Variants in STXBP4 observed in about 807,000 individuals in gnomAD.
STXBP4 encodes syntaxin binding protein 4.
Under a neutral mutation model 76.1 loss-of-function variants are expected in STXBP4, and 55 were observed. The observed-to-expected ratio is 0.72, with a 90% CI of 0.58 to 0.91. The LOEUF is 0.91. STXBP4 is among the 40% of genes least tolerant of loss of function. STXBP4 has a pLI of 0.00. For synonymous variants in STXBP4, 201 were observed against 220.2 expected (o/e 0.91, Z 0.77); for missense variants, 618 against 636.9 (o/e 0.97, Z 0.32).
At chr17:54,985,454 T>G (rs910459457) in intron 1 of STXBP4, among the ~76,000 whole-genome samples, 160 bp from the exon 2 acceptor site, 2 of 152,232 alleles carry the variant, frequency 1.3e-5, no homozygotes, top group Non-Finnish European at 2.9e-5. Context: ...TAGTGTCTTT[T>G]TCAACTTTAA....
At chr17:55,017,704 G>A (rs986698563) in intron 8 of STXBP4, among the ~76,000 whole-genome samples, 29 of 152,234 alleles carry the variant, frequency 1.9e-4, no homozygotes, top group African/African-American at 6.3e-4. Context: ...AGTTCGGGAC[G>A]ACAGCTTTCT....
chr17:55,188,414 C>T, the STXBP4 span, among the ~76,000 whole-genome samples: 2 of 152,176 alleles, frequency 1.3e-5, no homozygotes, highest in Admixed American at 1.3e-4. Flanking sequence ...AAGTCTAAAC[C>T]AGAGTCCCCA....
intron 1 of STXBP4, among the ~76,000 whole-genome samples, chr17:54,984,339 C>CTTTTTT (rs60222961): frequency 9.1e-4 from 74 of 81,184 alleles, no homozygotes; most frequent in South Asian, 1.9e-3. Context: ...TTTCTTTTTT[C>CTTTTTT]TTTTTTTTTT....
At chr17:55,001,662 A>C (rs2077918556) in intron 7 of STXBP4, among the ~76,000 whole-genome samples, 1 of 152,186 alleles carries the variant, frequency 6.6e-6, no homozygotes, top group South Asian at 2.1e-4. Context: ...GCATTAATTT[A>C]AATTAAATAG....
chr17:55,073,303 C>T (rs1316431513), intron 13 of STXBP4, among the ~76,000 whole-genome samples: 1 of 152,146 alleles, frequency 6.6e-6, no homozygotes, highest in Non-Finnish European at 1.5e-5. Flanking sequence ...TTATTTAGGT[C>T]ATTGGTCAAA....
chr17:55,046,356 T>C (rs537298328), intron 11 of STXBP4, among the ~76,000 whole-genome samples: 17 of 152,052 alleles, frequency 1.1e-4, no homozygotes, highest in African/African-American at 4.1e-4. Context: ...GGATATTGCC[T>C]TTTTTAAACA....
intron 11 of STXBP4, among the ~76,000 whole-genome samples, chr17:55,046,184 A>C (rs1362033271): frequency 6.6e-6 from 1 of 152,062 alleles, no homozygotes; most frequent in Non-Finnish European, 1.5e-5. Flanking sequence ...ATACAAAAAA[A>C]CTAGGGCACA....
intron 10 of STXBP4, among the ~76,000 whole-genome samples, chr17:55,041,273 C>T (rs1256880385): frequency 7.1e-6 from 1 of 141,114 alleles, no homozygotes; most frequent in African/African-American, 2.7e-5. Context: ...ACCCTGCCAT[C>T]AGGCTGGAGT....
downstream of STXBP4, among the ~76,000 whole-genome samples, chr17:55,178,040 T>C (rs1170362056): frequency 6.6e-6 from 1 of 152,144 alleles, no homozygotes; most frequent in African/African-American, 2.4e-5. Context: ...AGTAATCACA[T>C]TTTTCCCGAG....
At chr17:54,990,526 C>G (rs1047266155) in intron 3 of STXBP4, among the ~76,000 whole-genome samples, 1 of 152,042 alleles carries the variant, frequency 6.6e-6, no homozygotes. Flanking sequence ...CTCAGGGCTC[C>G]CCCTGATTCT....
chr17:54,970,969 C>A (rs2077391522), intron 1 of STXBP4, among the ~76,000 whole-genome samples: 1 of 107,228 alleles, frequency 9.3e-6, no homozygotes, highest in Non-Finnish European at 1.9e-5. Flanking sequence ...TGAAATACTT[C>A]TGAATGACAA....
chr17:55,213,256 T>C, the STXBP4 span, among the ~76,000 whole-genome samples: 1 of 152,154 alleles, frequency 6.6e-6, no homozygotes, highest in Non-Finnish European at 1.5e-5. Context: ...CTCATGCCTG[T>C]AATCCCAGCA....
chr17:55,159,913 G>C lies in STXBP4; in HGVS notation c.*2G>C. On this transcript the variant is annotated 3_prime_UTR_variant, in exon 18 of 18. Coordinates refer to ENST00000376352, the MANE Select transcript of STXBP4 (RefSeq NM_178509.6). ...GAACTCCCCAACCAGAAAAGTTGAT[G>C]GTTTTCCTTAGGAAGTGGAGCTACA... 6.3e-7 allele frequency: 1 copy of C among 1,596,512 alleles called. No homozygotes were observed. Among genetic ancestry groups the C allele is most frequent in the Non-Finnish European group, 8.6e-7 (1 of 1,164,444 alleles).
At chr17:55,151,434 A>C (rs2080216536) in intron 17 of STXBP4, among the ~76,000 whole-genome samples, 1 of 152,240 alleles carries the variant, frequency 6.6e-6, no homozygotes, top group African/African-American at 2.4e-5. Flanking sequence ...AGTCTTACCC[A>C]GCTGCCACAT....
At chr17:55,129,417 C>CA (rs879656411) in intron 16 of STXBP4, among the ~76,000 whole-genome samples, 58 of 149,826 alleles carry the variant, frequency 3.9e-4, no homozygotes, top group Non-Finnish European at 6.8e-4. Flanking sequence ...AATCCCATGA[C>CA]AAAAAAAAAT....
the STXBP4 span, among the ~76,000 whole-genome samples, chr17:55,204,603 C>T: frequency 2.6e-5 from 4 of 152,116 alleles, no homozygotes; most frequent in East Asian, 7.7e-4. Context: ...ATCACTTACT[C>T]ACCTTAATCC....
At chr17:55,015,000 G>A (rs1719062679) in intron 8 of STXBP4, among the ~76,000 whole-genome samples, 1 of 152,006 alleles carries the variant, frequency 6.6e-6, no homozygotes. Context: ...GTTCAATAGG[G>A]TTTCTAAGTT....
intron 17 of STXBP4, among the ~76,000 whole-genome samples, chr17:55,153,527 A>G (rs1295603297): frequency 6.6e-6 from 1 of 151,952 alleles, no homozygotes; most frequent in Non-Finnish European, 1.5e-5. Flanking sequence ...ACTCTGATAG[A>G]TAAACATAAC....
chr17:55,161,789 A>C lies in STXBP4; in HGVS notation c.*1878A>C, dbSNP rs2080339215. On this transcript the variant is annotated 3_prime_UTR_variant, in exon 18 of 18. Transcript: ENST00000376352. The stretch of plus-strand genomic sequence containing the variant: ...ATGATCTTCTTAAAACCATTCCATG[A>C]AATAGGAACTGTAATTATCCCCAAT... The C allele has an allele frequency of 1.3e-5, 2 of 152,198 alleles. No individual in the cohort carries two copies. The highest frequency in any genetic ancestry group is 2.9e-5 in the Non-Finnish European group (2 of 68,042). 9.4% of individuals were successfully genotyped at this position (152,198 alleles called of 1,614,324 possible). A position where few individuals can be genotyped will look rare whatever the true frequency, so the allele number is the denominator to read the frequency against.
Sources: gnomAD v4.1 joint callset for allele counts (sites outside exome capture counted in the v4.1 genomes callset) on GRCh38, gnomAD v4.1.1 for gene constraint, MANE v1.5 for transcripts, NCBI Gene and HGNC (gene_info 2026-07-23, HGNC 2026-07-21) for gene names.